GRM7: variants seen among roughly 807,000 people sequenced by gnomAD.
GRM7 encodes metabotropic glutamate receptor 7.
GRM7 carries 35 observed loss-of-function variants against 84.5 expected under a neutral mutation model. The ratio of observed to expected loss-of-function variants is 0.41; its 90% CI spans 0.32 to 0.55. The LOEUF (loss-of-function observed/expected upper bound fraction) is 0.55, where lower values mean the gene tolerates loss of function less well. GRM7 is among the 20% of genes least tolerant of loss of function. The pLI is 0.19. For synonymous variants in GRM7, 487 were observed against 455.1 expected, an observed-to-expected ratio of 1.07 and a Z score of -0.89; for missense variants, 1,003 against 1,194.6, an observed-to-expected ratio of 0.84 and a Z score of 2.36.
rs879687003 is a variant in GRM7, at chr3:7,644,213, C to CGTATATAT, written c.2452-35836_2452-35835insGTATATAT. ...CTGTACGTATATATATATGTCTGTA[C>CGTATATAT]ATATATATGTGTGTGTCTGTACATA... On this transcript the variant is annotated intron_variant, in intron 8 of 9. Transcript: ENST00000357716. 4.0e-3 allele frequency among the ~76,000 whole-genome samples: 541 copies of CGTATATAT among 134,740 alleles called. 4 individuals carry two copies. The highest frequency in any genetic ancestry group is 0.015 in the African/African-American group (498 of 33,856). 88.4% of individuals were successfully genotyped at this position (134,740 alleles called of 152,430 possible). A position where few individuals can be genotyped will look rare whatever the true frequency, so the allele number is the denominator to read the frequency against.
intron 7 of GRM7, among the ~76,000 whole-genome samples, chr3:7,574,937 CTGTCTGAG>C (rs1050888403): frequency 1.3e-4 from 18 of 141,520 alleles, no homozygotes; most frequent in South Asian, 9.0e-4. Flanking sequence ...GACAGCCTGT[CTGTCTGAG>C]TTTCTTTTTT....
intron 4 of GRM7, among the ~76,000 whole-genome samples, chr3:7,392,683 T>A (rs1035703947): frequency 6.6e-6 from 1 of 152,176 alleles, no homozygotes; most frequent in Non-Finnish European, 1.5e-5. Context: ...TCCCCACTCC[T>A]TTTTGGTTGA....
At chr3:7,435,919 G>T (rs1324511487) in intron 5 of GRM7, among the ~76,000 whole-genome samples, 5 of 142,758 alleles carry the variant, frequency 3.5e-5, no homozygotes, top group African/African-American at 1.3e-4. Flanking sequence ...AGCCAGGATG[G>T]TCTCCATCTC....
chr3:7,386,106 G>A (rs1694776913), intron 4 of GRM7, among the ~76,000 whole-genome samples: 1 of 152,112 alleles, frequency 6.6e-6, no homozygotes, highest in South Asian at 2.1e-4. Flanking sequence ...TACCATGCAA[G>A]CCAAAATAAT....
chr3:7,042,704 CCTT>C (rs1696672496), intron 1 of GRM7, among the ~76,000 whole-genome samples: 1 of 151,976 alleles, frequency 6.6e-6, no homozygotes, highest in African/African-American at 2.4e-5. Context: ...TTGTATCTCT[CCTT>C]AACATAGAAT....
rs1025946751 is a variant in GRM7, at chr3:7,293,527, C to T, written c.737-5157C>T. The stretch of plus-strand genomic sequence containing the variant: ...CATGGCTCTTCAGTTGCCACATTTA[C>T]GATGAGACTTTCCAGTTCTCCCTAC... On this transcript the variant is annotated intron_variant, in intron 2 of 9. Coordinates refer to ENST00000357716, the MANE Select transcript of GRM7 (RefSeq NM_000844.4). 1.2e-4 allele frequency among the ~76,000 whole-genome samples: 18 copies of T among 152,260 alleles called. No individual in the cohort carries two copies. The East Asian group carries it at 1.9e-3, about 16-fold the overall frequency.
chr3:7,209,440 G>C (rs1361163626), intron 2 of GRM7, among the ~76,000 whole-genome samples: 1 of 152,162 alleles, frequency 6.6e-6, no homozygotes, highest in African/African-American at 2.4e-5. Flanking sequence ...AAGAGAAGGA[G>C]ACCCACAGAG....
intron 9 of GRM7, among the ~76,000 whole-genome samples, chr3:7,685,798 A>AAAG (rs1446515431): frequency 6.6e-6 from 1 of 151,970 alleles, no homozygotes; most frequent in African/African-American, 2.4e-5. Context: ...TAAAAAAAAA[A>AAAG]AAAGAAAGAA....
chr3:7,366,904 A>G lies in GRM7; in HGVS notation c.1034-48119A>G, dbSNP rs1012740884. ...TAATAGGAACTGGTAGAGATAAATT[A>G]TAATTCTTGGTCATGGTTATACTTT... On this transcript the variant is annotated intron_variant, in intron 4 of 9. Transcript: ENST00000357716. 2.8e-4 allele frequency among the ~76,000 whole-genome samples: 13 copies of G among 46,882 alleles called. 1 individual carries two copies. Among genetic ancestry groups the G allele is most frequent in the Admixed American group, 2.2e-3 (8 of 3,580 alleles). 30.8% of individuals were successfully genotyped at this position (46,882 alleles called of 152,430 possible).
At chr3:7,570,858 A>G (rs1055539770) in intron 7 of GRM7, among the ~76,000 whole-genome samples, 1 of 152,224 alleles carries the variant, frequency 6.6e-6, no homozygotes, top group Non-Finnish European at 1.5e-5. Flanking sequence ...CTGGACATCC[A>G]GGAGTTTCCA....
chr3:7,232,981 C>T (rs977383650), intron 2 of GRM7, among the ~76,000 whole-genome samples: 1 of 152,082 alleles, frequency 6.6e-6, no homozygotes, highest in African/African-American at 2.4e-5. Context: ...ATAAAGAGCT[C>T]GTCTGAACAC....
rs77854704 is a variant in GRM7 at position 7,684,263 on chromosome 3, T to A, written c.2698+3968T>A. ...TATTTTCTGAATTTAAGCTGACTGG[T>A]TAAAAACAAACAAAAACGTAGCTCA... On this transcript the variant is annotated intron_variant, in intron 9 of 9. Transcript: ENST00000357716. Among the ~76,000 whole-genome samples, 478 of 152,298 alleles carry A rather than the reference T, an allele frequency of 3.1e-3. 6 individuals are homozygous for A. The highest frequency in any genetic ancestry group is 0.011 in the African/African-American group (457 of 41,566).
At position 6,928,175 on chromosome 3, in the gene GRM7, C is replaced by T. The variant is rs1036810437; in HGVS notation, c.519+66268C>T. 2.0e-5 allele frequency among the ~76,000 whole-genome samples: 3 copies of T among 151,374 alleles called. No individual in the cohort carries two copies. Among genetic ancestry groups the T allele is most frequent in the African/African-American group, 7.3e-5 (3 of 41,136 alleles). On this transcript the variant is annotated intron_variant, in intron 1 of 9. Transcript: ENST00000357716. The surrounding 1 kb of genome is among the most constrained non-coding windows in gnomAD (Gnocchi z 4.5). Reference sequence around the variant, plus strand: ...CCTGTTGCCTCTTCCAAGCACGTTGCTTGGTTTGCATTAACTGGGCATTTT... The same window carrying T: ...CCTGTTGCCTCTTCCAAGCACGTTGTTTGGTTTGCATTAACTGGGCATTTT...
chr3:7,310,558 A>G (rs1469816428), intron 4 of GRM7, among the ~76,000 whole-genome samples: 1 of 152,164 alleles, frequency 6.6e-6, no homozygotes, highest in Admixed American at 6.5e-5. Flanking sequence ...TGGGGAAAAA[A>G]AATGAGAAAG....
intron 1 of GRM7, among the ~76,000 whole-genome samples, chr3:7,078,728 G>C (rs73808642): frequency 6.6e-6 from 1 of 152,070 alleles, no homozygotes; most frequent in East Asian, 1.9e-4. Flanking sequence ...TGTTTAACTT[G>C]TAAGGTGTAG....
rs1174498899 is a variant in GRM7, at chr3:7,227,864, A to G, written c.737-70820A>G. ...AGAGGAAGGCAACATAATGGCTTAG[A>G]TTATTGTAATTCCAGGAGTAGTCCC... On this transcript the variant is annotated intron_variant, in intron 2 of 9. Coordinates refer to ENST00000357716, the MANE Select transcript of GRM7 (RefSeq NM_000844.4). Among the ~76,000 whole-genome samples, 3 of 152,154 alleles carry G rather than the reference A, an allele frequency of 2.0e-5. No homozygotes were observed. In the East Asian group the frequency reaches 5.8e-4, roughly 29 times the overall value.
chr3:7,008,215 A>C (rs1426170530), intron 1 of GRM7, among the ~76,000 whole-genome samples: 1 of 152,036 alleles, frequency 6.6e-6, no homozygotes, highest in Non-Finnish European at 1.5e-5. Context: ...CCTGTCTCTG[A>C]CCTAGAAGGA....
chr3:7,230,036 T>C (rs1575059715), intron 2 of GRM7, among the ~76,000 whole-genome samples: 3 of 151,220 alleles, frequency 2.0e-5, no homozygotes, highest in East Asian at 4.0e-4. Context: ...AGACGGGGTT[T>C]CACCGTGTTA....
At chr3:7,252,378 A>T (rs73128235) in intron 2 of GRM7, among the ~76,000 whole-genome samples, 1,529 of 152,254 alleles carry the variant, frequency 0.01, 21 homozygotes, top group African/African-American at 0.035. Context: ...GACCATCCAA[A>T]ATAGAGTGGT....
Sources: gnomAD v4.1 joint callset for allele counts (sites outside exome capture counted in the v4.1 genomes callset) on GRCh38, gnomAD v4.1.1 for gene constraint, Gnocchi (gnomAD v3.1) non-coding constraint, MANE v1.5 for transcripts, NCBI Gene and HGNC (gene_info 2026-07-23, HGNC 2026-07-21) for gene names.